The following NSMCE2 variants were observed in gnomAD, a reference collection of about 807,000 sequenced individuals.
The protein encoded by NSMCE2 is E3 SUMO-protein ligase NSE2.
NSMCE2 carries 24 observed loss-of-function variants against 23.8 expected under a neutral mutation model. The observed-to-expected ratio is 1.01, with a 90% confidence interval of 0.73 to 1.42. The LOEUF (loss-of-function observed/expected upper bound fraction) is 1.42. Ranked by LOEUF, NSMCE2 falls within the 40% of genes most tolerant of loss-of-function variation. NSMCE2 has a pLI of 0.00. For missense variants in NSMCE2, 284 were observed against 296.5 expected (o/e 0.96, Z 0.31); for synonymous variants, 92 against 94.1 (o/e 0.98, Z 0.13).
chr8:125,254,145 T>C (rs1826312365), intron 5 of NSMCE2, among the ~76,000 whole-genome samples: 1 of 152,240 alleles, frequency 6.6e-6, no homozygotes, highest in Admixed American at 6.5e-5. Context: ...AGAATTCTCT[T>C]TTGACTCCAA....
At chr8:125,160,928 G>C (rs1821583535) in intron 4 of NSMCE2, among the ~76,000 whole-genome samples, 1 of 152,226 alleles carries the variant, frequency 6.6e-6, no homozygotes, top group African/African-American at 2.4e-5. Context: ...AGAGAAAAAT[G>C]TGTTGGATTT....
At chr8:125,112,951 C>A (rs1326933133) in intron 3 of NSMCE2, among the ~76,000 whole-genome samples, 1 of 150,742 alleles carries the variant, frequency 6.6e-6, no homozygotes, top group Non-Finnish European at 1.5e-5. Context: ...CTTGATGTAG[C>A]CATTCCACAG....
chr8:125,315,475 A>G (rs1829143334), intron 5 of NSMCE2, among the ~76,000 whole-genome samples: 1 of 152,204 alleles, frequency 6.6e-6, no homozygotes, highest in South Asian at 2.1e-4. Flanking sequence ...TCAAAACCTC[A>G]GTTTTCTCAT....
intron 5 of NSMCE2, among the ~76,000 whole-genome samples, chr8:125,193,181 A>G (rs944929326): frequency 6.6e-6 from 1 of 152,224 alleles, no homozygotes; most frequent in Non-Finnish European, 1.5e-5. Flanking sequence ...CAGTATGATT[A>G]CAAGTAGGTT....
At chr8:125,267,003 C>CTTTTTT (rs35990794) in intron 5 of NSMCE2, among the ~76,000 whole-genome samples, 200 of 111,954 alleles carry the variant, frequency 1.8e-3, no homozygotes, top group Middle Eastern at 6.2e-3. Context: ...TTTTTTCTTT[C>CTTTTTT]TTTTTTTTTT....
At chr8:125,289,512 G>T (rs779601425) in intron 5 of NSMCE2, among the ~76,000 whole-genome samples, 2 of 152,152 alleles carry the variant, frequency 1.3e-5, no homozygotes. Flanking sequence ...TTATCAGAGG[G>T]CATTCTTGTT....
rs571116321 is a variant in NSMCE2, at chr8:125,356,238, G to T, written c.419-981G>T. 3.3e-5 allele frequency among the ~76,000 whole-genome samples: 5 copies of T among 151,996 alleles called. No individual in the cohort carries two copies. The East Asian group carries it at 5.8e-4, about 18-fold the overall frequency. ...TCATTATGTATGTCTGTGTGTATGGGGGGGGGTGTTCTGGAAATATAATTT... is the reference window on the plus strand; with the variant it reads ...TCATTATGTATGTCTGTGTGTATGGTGGGGGGTGTTCTGGAAATATAATTT... On this transcript the variant is annotated intron_variant, in intron 5 of 7. Coordinates refer to ENST00000287437, the MANE Select transcript of NSMCE2 (RefSeq NM_173685.4).
intron 5 of NSMCE2, among the ~76,000 whole-genome samples, chr8:125,304,651 G>A (rs1828684089): frequency 6.6e-6 from 1 of 152,022 alleles, no homozygotes; most frequent in Non-Finnish European, 1.5e-5. Context: ...GAGGTCAAGA[G>A]TTCAAGACCA....
intron 5 of NSMCE2, among the ~76,000 whole-genome samples, chr8:125,202,187 C>T (rs73349892): frequency 0.025 from 3,826 of 152,314 alleles, 148 homozygotes; most frequent in African/African-American, 0.087. Context: ...AGGCAATGCC[C>T]CGCCCTACTT....
At chr8:125,343,826 T>G (rs1237743992) in intron 5 of NSMCE2, among the ~76,000 whole-genome samples, 2 of 151,058 alleles carry the variant, frequency 1.3e-5, no homozygotes, top group Non-Finnish European at 2.9e-5. Flanking sequence ...AAACCCCGTC[T>G]CCACTAAAAA....
chr8:125,177,767 T>C (rs913058098), intron 4 of NSMCE2, among the ~76,000 whole-genome samples: 1 of 152,224 alleles, frequency 6.6e-6, no homozygotes, highest in African/African-American at 2.4e-5. Flanking sequence ...TTCTCTTTCC[T>C]TTCTTCTGTA....
At chr8:125,199,869 G>A (rs1823790023) in intron 5 of NSMCE2, among the ~76,000 whole-genome samples, 1 of 152,122 alleles carries the variant, frequency 6.6e-6, no homozygotes, top group South Asian at 2.1e-4. Flanking sequence ...CCTGTGTTGG[G>A]TGCATATATA....
intron 5 of NSMCE2, among the ~76,000 whole-genome samples, chr8:125,194,164 G>A (rs1823489737): frequency 2.0e-5 from 3 of 152,150 alleles, no homozygotes; most frequent in South Asian, 2.1e-4. Flanking sequence ...CCCATTTTAC[G>A]GATGAGGTTC....
chr8:125,101,505 C>T (rs899614176), intron 1 of NSMCE2, among the ~76,000 whole-genome samples: 2 of 152,154 alleles, frequency 1.3e-5, no homozygotes, highest in Non-Finnish European at 2.9e-5. Context: ...CCTTTTTCTG[C>T]TGCCATAGAG....
At chr8:125,172,559 A>G (rs1170803014) in intron 4 of NSMCE2, among the ~76,000 whole-genome samples, 2 of 152,218 alleles carry the variant, frequency 1.3e-5, no homozygotes, top group Non-Finnish European at 2.9e-5. Flanking sequence ...CTTACCAGGT[A>G]CCGTTTCCAG....
In NSMCE2 at chr8:125,306,360, A is replaced by T. The variant is rs912748048; in HGVS notation, c.419-50859A>T. ...CAAAAACATAAAGCTTATATATATTAAAAAAAAAAAACTGAGCAACAGCTG... is the reference window on the plus strand; with the variant it reads ...CAAAAACATAAAGCTTATATATATTTAAAAAAAAAAACTGAGCAACAGCTG... On this transcript the variant is annotated intron_variant, in intron 5 of 7. Coordinates refer to ENST00000287437, the MANE Select transcript of NSMCE2 (RefSeq NM_173685.4). Among the ~76,000 whole-genome samples, 14 of 113,112 alleles carry T rather than the reference A, an allele frequency of 1.2e-4. 1 individual carries two copies. Among genetic ancestry groups the T allele is most frequent in the Admixed American group, 5.4e-4 (5 of 9,286 alleles). The allele number at this position is 113,112 out of a possible 152,430, so 74.2% of individuals were successfully genotyped here. A position where few individuals can be genotyped will look rare whatever the true frequency, so the allele number is the denominator to read the frequency against.
In NSMCE2 at chr8:125,176,862, T is replaced by G. The variant is rs138473503; in HGVS notation, c.265-5241T>G. Among the ~76,000 whole-genome samples the G allele has an allele frequency of 7.6e-4, 116 of 152,310 alleles. 1 individual carries two copies. In the East Asian group the frequency reaches 0.018, roughly 23 times the overall value. On this transcript the variant is annotated intron_variant, in intron 4 of 7. Coordinates refer to ENST00000287437, the MANE Select transcript of NSMCE2 (RefSeq NM_173685.4). The stretch of plus-strand genomic sequence containing the variant: ...AACAGCTTTCCTCTTACCTGGGACT[T>G]GTACCATTACTTCACACAGTCCTCA...
chr8:125,227,757 A>G (rs1825160571), intron 5 of NSMCE2, among the ~76,000 whole-genome samples: 1 of 152,186 alleles, frequency 6.6e-6, no homozygotes, highest in Non-Finnish European at 1.5e-5. Flanking sequence ...GCAAAATAAA[A>G]ATCACCTGTA....
At chr8:125,162,424 A>G (rs1045079309) in intron 4 of NSMCE2, among the ~76,000 whole-genome samples, 11 of 152,182 alleles carry the variant, frequency 7.2e-5, no homozygotes, top group Non-Finnish European at 2.9e-5. Context: ...TATAATGTAA[A>G]GTGTCATATA....
Sources: allele counts gnomAD v4.1 joint callset (sites outside exome capture counted in the v4.1 genomes callset), GRCh38; gene constraint gnomAD v4.1.1; transcripts MANE v1.5; gene names NCBI Gene and HGNC (gene_info 2026-07-23, HGNC 2026-07-21).